Variants in SND1 observed in about 807,000 individuals in gnomAD.
The protein encoded by SND1 is staphylococcal nuclease and tudor domain containing 1.
In SND1, 38 loss-of-function variants were observed where a neutral mutation model predicts 121.7. That is an observed-to-expected ratio of 0.31 (90% CI 0.24 to 0.41). The LOEUF is 0.41. Ranked by LOEUF, SND1 falls within the 10% of genes least tolerant of loss-of-function variation. The pLI is 1.00. For missense variants in SND1, 868 were observed against 1,184.6 expected (o/e 0.73, Z 3.92); for synonymous variants, 401 against 447.4 (o/e 0.90, Z 1.31).
intron 16 of SND1, among the ~76,000 whole-genome samples, chr7:127,993,317 A>C (rs1371378534): frequency 6.6e-6 from 1 of 152,176 alleles, no homozygotes; most frequent in Non-Finnish European, 1.5e-5. Context: ...TTATTTCATA[A>C]GTTGTCTTGG....
intron 12 of SND1, among the ~76,000 whole-genome samples, chr7:127,883,322 T>TGTA (rs1027424392): frequency 1.3e-5 from 2 of 152,138 alleles, no homozygotes; most frequent in African/African-American, 4.8e-5. Flanking sequence ...AAAATTCAAT[T>TGTA]GTAGTAGGCC....
chr7:127,812,219 G>A (rs1044705475), intron 11 of SND1, among the ~76,000 whole-genome samples: 14 of 152,222 alleles, frequency 9.2e-5, no homozygotes, highest in African/African-American at 3.1e-4. Flanking sequence ...TTGGAATAAT[G>A]TCTGTTCCTG....
At chr7:127,965,900 T>G (rs1379087809) in intron 15 of SND1, among the ~76,000 whole-genome samples, 55 of 30,278 alleles carry the variant, frequency 1.8e-3, no homozygotes, top group African/African-American at 7.6e-3. Context: ...CTCTTTTTGG[T>G]TGGTAAACTA....
At chr7:127,865,384 A>G (rs1475531155) in intron 12 of SND1, among the ~76,000 whole-genome samples, 1 of 152,254 alleles carries the variant, frequency 6.6e-6, no homozygotes, top group Non-Finnish European at 1.5e-5. Flanking sequence ...CTTCAAAGAA[A>G]GATGCCATAC....
chr7:127,715,074 A>G (rs909853679), intron 9 of SND1, among the ~76,000 whole-genome samples: 22 of 152,006 alleles, frequency 1.4e-4, no homozygotes, highest in African/African-American at 5.1e-4. Flanking sequence ...GGGAATTACT[A>G]TATTGTACCA....
At chr7:127,989,733 G>A (rs139178229) in intron 15 of SND1, among the ~76,000 whole-genome samples, 11 of 152,174 alleles carry the variant, frequency 7.2e-5, no homozygotes, top group South Asian at 2.1e-4. Flanking sequence ...CATCATTTTC[G>A]TTTCCTATGT....
chr7:127,823,679 CCT>C (rs999736432), intron 11 of SND1, among the ~76,000 whole-genome samples: 8 of 152,270 alleles, frequency 5.3e-5, no homozygotes, highest in South Asian at 2.1e-4. Context: ...GGATGCCTTG[CCT>C]CTCTCAACAT....
At chr7:128,041,941 A>G (rs138884825) in intron 16 of SND1, among the ~76,000 whole-genome samples, 3 of 152,260 alleles carry the variant, frequency 2.0e-5, no homozygotes, top group Non-Finnish European at 4.4e-5. Context: ...TTCTCTGATG[A>G]ACACCAGACT....
intron 15 of SND1, among the ~76,000 whole-genome samples, chr7:127,964,704 G>C (rs940866965): frequency 6.7e-6 from 1 of 150,080 alleles, no homozygotes; most frequent in African/African-American, 2.5e-5. Flanking sequence ...CTCCAGCTTT[G>C]TTCTTTTGGC....
intron 11 of SND1, among the ~76,000 whole-genome samples, chr7:127,838,881 G>A (rs577110884): frequency 1.2e-4 from 19 of 152,270 alleles, no homozygotes; most frequent in Non-Finnish European, 2.2e-4. Context: ...AAGAAAATTA[G>A]TACATGTTTA....
intron 10 of SND1, among the ~76,000 whole-genome samples, chr7:127,762,760 A>G (rs1057367898): frequency 1.3e-5 from 2 of 152,128 alleles, no homozygotes; most frequent in Admixed American, 1.3e-4. Flanking sequence ...CAAGCTTGAC[A>G]CTCTTAAGTA....
intron 15 of SND1, among the ~76,000 whole-genome samples, chr7:127,946,301 G>A (rs1457875804): frequency 6.6e-6 from 1 of 152,178 alleles, no homozygotes; most frequent in Non-Finnish European, 1.5e-5. Flanking sequence ...TTTATGAGCT[G>A]GGGCATTTAT....
At chr7:127,733,341 C>G (rs1796714457) in intron 10 of SND1, among the ~76,000 whole-genome samples, 1 of 152,138 alleles carries the variant, frequency 6.6e-6, no homozygotes, top group South Asian at 2.1e-4. Context: ...GATGTAAAAT[C>G]TAAGGAAGCA....
chr7:128,066,792 T>C (rs900366945), intron 16 of SND1, among the ~76,000 whole-genome samples: 1 of 152,018 alleles, frequency 6.6e-6, no homozygotes, highest in Admixed American at 6.6e-5. Context: ...GCAGCATCAG[T>C]GATGGTAGAA....
chr7:127,836,112 A>C (rs1269802835), intron 11 of SND1, among the ~76,000 whole-genome samples: 1 of 152,114 alleles, frequency 6.6e-6, no homozygotes, highest in African/African-American at 2.4e-5. Context: ...GACTCTTAAC[A>C]TCTCCATGGA....
At chr7:128,072,639 C>T (rs1793431752) in intron 16 of SND1, among the ~76,000 whole-genome samples, 1 of 152,162 alleles carries the variant, frequency 6.6e-6, no homozygotes, top group African/African-American at 2.4e-5. Flanking sequence ...CATTTTGCCC[C>T]TCACAGGTCT....
In SND1 at chr7:128,015,586, G is replaced by A. The variant is rs1181675613; in HGVS notation, c.1779+24530G>A. ...TTCAGTCTGGTTCAAGGTGCTTAAA[G>A]GTAGTGCCCTGTAATACACCATTAT... On this transcript the variant is annotated intron_variant, in intron 16 of 23. Transcript: ENST00000354725. This position sits in a 1 kb window ranked among gnomAD's most constrained non-coding sequence, Gnocchi z 4.5. Among the ~76,000 whole-genome samples the A allele has an allele frequency of 6.6e-6, 1 of 152,196 alleles. No individual in the cohort carries two copies. The highest frequency in any genetic ancestry group is 6.5e-5 in the Admixed American group (1 of 15,290).
rs141083450 is a variant in SND1, at chr7:128,041,698, A to G, written c.1780-32804A>G. Reference sequence around the variant, plus strand: ...TTCATGTACATACTCTCTCACATTTACATACTGAGTTTCTCTGATACAGCT... The same window carrying G: ...TTCATGTACATACTCTCTCACATTTGCATACTGAGTTTCTCTGATACAGCT... On this transcript the variant is annotated intron_variant, in intron 16 of 23. Transcript: ENST00000354725. Among the ~76,000 whole-genome samples the G allele has an allele frequency of 5.9e-3, 893 of 152,262 alleles. 13 individuals carry two copies. The highest frequency in any genetic ancestry group is 0.02 in the African/African-American group (849 of 41,530).
chr7:127,990,476 T>G (rs1178913998), intron 15 of SND1, among the ~76,000 whole-genome samples: 1 of 152,066 alleles, frequency 6.6e-6, no homozygotes, highest in Non-Finnish European at 1.5e-5. Flanking sequence ...AATTAACACT[T>G]TTGAATTTGG....
Sources: allele counts gnomAD v4.1 joint callset (sites outside exome capture counted in the v4.1 genomes callset), GRCh38; gene constraint gnomAD v4.1.1; non-coding constraint Gnocchi (gnomAD v3.1); transcripts MANE v1.5; gene names NCBI Gene and HGNC (gene_info 2026-07-23, HGNC 2026-07-21).